UBE2V2: variants seen among roughly 807,000 people sequenced by gnomAD.
UBE2V2 encodes ubiquitin-conjugating enzyme E2 variant 2.
UBE2V2 carries 9 observed loss-of-function variants against 17.2 expected under a neutral mutation model. The observed-to-expected ratio is 0.52, with a 90% CI of 0.32 to 0.91. The LOEUF is 0.91. Among genes scored for constraint, UBE2V2 ranks in the 40% least tolerant of loss-of-function variants. The probability of loss-of-function intolerance (pLI) is 0.04; values close to 1 mark genes in which losing one functional copy is unlikely to be tolerated. For missense variants in UBE2V2, 133 were observed against 182.6 expected (o/e 0.73, Z 1.56); for synonymous variants, 61 against 57.5 (o/e 1.06, Z -0.28).
intron 1 of UBE2V2, among the ~76,000 whole-genome samples, chr8:48,011,426 C>T (rs1219082736): frequency 6.6e-6 from 1 of 152,142 alleles, no homozygotes; most frequent in Non-Finnish European, 1.5e-5. Context: ...AATCCATCTG[C>T]TCCGGCCTCC....
At chr8:48,026,637 T>C (rs1162600062) in intron 1 of UBE2V2, among the ~76,000 whole-genome samples, 1 of 152,222 alleles carries the variant, frequency 6.6e-6, no homozygotes, top group East Asian at 1.9e-4. Flanking sequence ...ATTTACCCAT[T>C]CTGTACTTTC....
At chr8:48,024,093 G>A (rs1430536383) in intron 1 of UBE2V2, among the ~76,000 whole-genome samples, 3 of 152,168 alleles carry the variant, frequency 2.0e-5, no homozygotes, top group African/African-American at 7.2e-5. Context: ...CTCAGCAGCT[G>A]TTTCAAACCT....
At chr8:48,003,614 C>G (rs1240872118), upstream of UBE2V2, among the ~76,000 whole-genome samples, 1 of 152,134 alleles carries the variant, frequency 6.6e-6, no homozygotes, top group Non-Finnish European at 1.5e-5. Context: ...TGAGGCCCCA[C>G]AACTCTGAGG....
chr8:48,055,681 C>T (rs1441800999), intron 3 of UBE2V2, among the ~76,000 whole-genome samples: 1 of 151,830 alleles, frequency 6.6e-6, no homozygotes, highest in African/African-American at 2.4e-5. Context: ...CATTTTTGTT[C>T]TTCCCAAAGC....
At chr8:48,052,849 T>G (rs1215392695) in intron 3 of UBE2V2, among the ~76,000 whole-genome samples, 1 of 152,226 alleles carries the variant, frequency 6.6e-6, no homozygotes, top group African/African-American at 2.4e-5. Flanking sequence ...ACTTCTGTTC[T>G]TCCTCCTTCC....
upstream of UBE2V2, among the ~76,000 whole-genome samples, chr8:48,007,568 CTTT>C (rs528067517): frequency 1.6e-5 from 2 of 121,234 alleles, no homozygotes; most frequent in Non-Finnish European, 1.7e-5. Context: ...TGTGAAAAAT[CTTT>C]TTTTTTTTTT....
chr8:48,010,753 A>G (rs2154506611), intron 1 of UBE2V2, among the ~76,000 whole-genome samples: 1 of 145,942 alleles, frequency 6.9e-6, no homozygotes, highest in African/African-American at 2.6e-5. Flanking sequence ...GCTGGAGTGC[A>G]AGGGCATGAT....
intron 1 of UBE2V2, among the ~76,000 whole-genome samples, chr8:48,037,829 C>A (rs1287057808): frequency 6.6e-6 from 1 of 152,184 alleles, no homozygotes; most frequent in Non-Finnish European, 1.5e-5. Flanking sequence ...CCTGATCATC[C>A]TGTTTCTTGG....
chr8:48,041,578 CAAATT>C (rs764201388), intron 1 of UBE2V2, among the ~76,000 whole-genome samples: 9 of 152,114 alleles, frequency 5.9e-5, no homozygotes, highest in East Asian at 3.9e-4. Flanking sequence ...TCTACACAGA[CAAATT>C]AAAAGTTCTG....
At chr8:48,034,354 T>TG (rs2091405802) in intron 1 of UBE2V2, among the ~76,000 whole-genome samples, 1 of 152,168 alleles carries the variant, frequency 6.6e-6, no homozygotes, top group African/African-American at 2.4e-5. Context: ...CTCGAACTCC[T>TG]GACCTTGTGA....
At chr8:48,043,246 A>G (rs2091476407) in intron 2 of UBE2V2, 65 bp downstream of exon 2, 3 of 1,191,894 alleles carry the variant, frequency 2.5e-6, no homozygotes, top group Non-Finnish European at 3.3e-6. Flanking sequence ...TTAATTTTAT[A>G]CTATTGATAT....
At chr8:48,002,945 C>G in the UBE2V2 span, among the ~76,000 whole-genome samples, 1 of 152,058 alleles carries the variant, frequency 6.6e-6, no homozygotes, top group African/African-American at 2.4e-5. Context: ...GGCGCAGTGG[C>G]TGACACCTGT....
intron 1 of UBE2V2, among the ~76,000 whole-genome samples, chr8:48,025,757 G>A (rs1338729748): frequency 6.6e-6 from 1 of 151,696 alleles, no homozygotes; most frequent in Non-Finnish European, 1.5e-5. Flanking sequence ...CCGCCACCAC[G>A]ACCGGCTAAT....
At chr8:48,047,701 G>T (rs1031591850) in intron 2 of UBE2V2, among the ~76,000 whole-genome samples, 2 of 151,900 alleles carry the variant, frequency 1.3e-5, no homozygotes, top group African/African-American at 2.4e-5. Context: ...GGGATTACAG[G>T]CGTGTGCTAC....
At chr8:48,008,852 C>T (rs1169619448) in intron 1 of UBE2V2, among the ~76,000 whole-genome samples, 1 of 152,030 alleles carries the variant, frequency 6.6e-6, no homozygotes, top group East Asian at 1.9e-4. Flanking sequence ...CCAACCGGCA[C>T]CGAAGATGGG....
intron 1 of UBE2V2, chr8:48,035,107 C>CTTTTTTTTTTTTT (rs578114987): frequency 2.3e-6 from 2 of 855,624 alleles, no homozygotes; most frequent in Non-Finnish European, 2.7e-6. Flanking sequence ...CCTATTTATT[C>CTTTTTTTTTTTTT]TTTTTTTTTT....
At chr8:48,013,184 C>A (rs1160954725) in intron 1 of UBE2V2, among the ~76,000 whole-genome samples, 1 of 152,028 alleles carries the variant, frequency 6.6e-6, no homozygotes, top group Non-Finnish European at 1.5e-5. Context: ...ACACTTGTCA[C>A]AATTAAGGAA....
intron 3 of UBE2V2, among the ~76,000 whole-genome samples, chr8:48,052,832 C>T (rs906689294): frequency 9.2e-5 from 14 of 152,170 alleles, no homozygotes; most frequent in African/African-American, 3.1e-4. Context: ...GGTCTCAAGA[C>T]CTTTGCACTT....
chr8:48,041,040 A>G (rs2091460376), intron 1 of UBE2V2, among the ~76,000 whole-genome samples: 2 of 149,300 alleles, frequency 1.3e-5, no homozygotes, highest in African/African-American at 2.5e-5. Flanking sequence ...AATTTTTTGT[A>G]TTTTTACTAG....
Sources: gnomAD v4.1 joint callset for allele counts (sites outside exome capture counted in the v4.1 genomes callset) on GRCh38, gnomAD v4.1.1 for gene constraint, MANE v1.5 for transcripts, NCBI Gene and HGNC (gene_info 2026-07-23, HGNC 2026-07-21) for gene names.